FHIT: variants seen among roughly 807,000 people sequenced by gnomAD.
The protein encoded by FHIT is fragile histidine triad diadenosine triphosphatase, also known as bis(5'-adenosyl)-triphosphatase.
Under a neutral mutation model 17.9 loss-of-function variants are expected in FHIT, and 19 were observed. That is an observed-to-expected ratio of 1.06 (90% confidence interval 0.74 to 1.56). FHIT has a LOEUF of 1.56. Ranked by LOEUF, FHIT falls within the 40% of genes most tolerant of loss-of-function variation. The pLI, the probability that FHIT is intolerant of heterozygous loss-of-function variation, is 0.00. For missense variants in FHIT, 248 were observed against 189.2 expected (o/e 1.31, Z -1.82); for synonymous variants, 81 against 69.7 (o/e 1.16, Z -0.81).
chr3:60,753,901 G>A (rs898312893), intron 4 of FHIT, among the ~76,000 whole-genome samples: 1 of 151,980 alleles, frequency 6.6e-6, no homozygotes, highest in African/African-American at 2.4e-5. Context: ...AGTATGTAAG[G>A]CCTGTGAACA....
At chr3:61,230,534 T>G (rs938407880) in intron 1 of FHIT, among the ~76,000 whole-genome samples, 1 of 152,014 alleles carries the variant, frequency 6.6e-6, no homozygotes, top group African/African-American at 2.4e-5. Flanking sequence ...AATTACTGAG[T>G]CTCCTGTATT....
At chr3:60,819,489 C>T (rs1389779158) in intron 4 of FHIT, among the ~76,000 whole-genome samples, 1 of 152,144 alleles carries the variant, frequency 6.6e-6, no homozygotes, top group Non-Finnish European at 1.5e-5. Flanking sequence ...TCTCAGATAT[C>T]TCTAAATCCT....
chr3:60,439,825 A>G (rs939176542), intron 5 of FHIT, among the ~76,000 whole-genome samples: 14 of 152,134 alleles, frequency 9.2e-5, no homozygotes, highest in African/African-American at 3.4e-4. Context: ...CAAAAGATGC[A>G]AGTGTCTTTG....
intron 3 of FHIT, among the ~76,000 whole-genome samples, chr3:60,842,347 A>G (rs782690750): frequency 5.4e-5 from 8 of 149,240 alleles, no homozygotes; most frequent in Non-Finnish European, 8.9e-5. Context: ...TCCCACCAGA[A>G]AAAAAAAAAG....
intron 2 of FHIT, among the ~76,000 whole-genome samples, chr3:61,106,169 C>T (rs1559986519): frequency 6.6e-6 from 1 of 152,102 alleles, no homozygotes; most frequent in Non-Finnish European, 1.5e-5. Flanking sequence ...GAGGGTCAGG[C>T]ACATATAAGG....
At position 60,762,936 on chromosome 3, in the gene FHIT, G is replaced by A. The variant is rs142535101; in HGVS notation, c.-18+58983C>T. On this transcript the variant is annotated intron_variant, in intron 4 of 9. Coordinates refer to ENST00000492590, the MANE Select transcript of FHIT (RefSeq NM_002012.4). ...TCTCAGCCTTCATAATCATGTGAGT[G>A]AACGGCTTAAAATCGATCATCTCTG... is the stretch of plus-strand genomic sequence containing the variant. Among the ~76,000 whole-genome samples, 606 of 152,240 alleles carry A rather than the reference G, an allele frequency of 4.0e-3. 1 individual carries two copies. The highest frequency in any genetic ancestry group is 0.014 in the African/African-American group (584 of 41,546).
rs1417071873 is a variant in FHIT, at chr3:60,176,178, C to T, written c.104-162026G>A. Among the ~76,000 whole-genome samples the T allele has an allele frequency of 5.3e-5, 8 of 152,060 alleles. No homozygotes were observed. The East Asian group carries it at 1.5e-3, about 29-fold the overall frequency. On this transcript the variant is annotated intron_variant, in intron 5 of 9. Transcript: ENST00000492590. ...ACCAGCCTGGCCAACATGGCGAAAC[C>T]CCGTCTCTACTAAAAATACAAAAAT... is the stretch of plus-strand genomic sequence containing the variant.
chr3:60,231,497 T>C (rs886638729), intron 5 of FHIT, among the ~76,000 whole-genome samples: 3 of 152,310 alleles, frequency 2.0e-5, no homozygotes, highest in East Asian at 1.9e-4. Flanking sequence ...CTGGTGAACT[T>C]TGACAGTTTC....
chr3:61,077,489 A>AAAC (rs2035007260), intron 2 of FHIT, among the ~76,000 whole-genome samples: 13 of 151,478 alleles, frequency 8.6e-5, no homozygotes, highest in African/African-American at 2.2e-4. Flanking sequence ...AACAAACAAA[A>AAAC]AAAAACAGCC....
chr3:60,434,884 A>G (rs2030069150), intron 5 of FHIT, among the ~76,000 whole-genome samples: 1 of 152,140 alleles, frequency 6.6e-6, no homozygotes, highest in Non-Finnish European at 1.5e-5. Flanking sequence ...CATTTTGGAA[A>G]TAACATCTTA....
chr3:60,948,964 T>TA (rs1447858984), intron 3 of FHIT, among the ~76,000 whole-genome samples: 39 of 152,006 alleles, frequency 2.6e-4, no homozygotes, highest in Admixed American at 7.2e-4. Flanking sequence ...AAGCAGGGCA[T>TA]AAAATATTCC....
intron 4 of FHIT, among the ~76,000 whole-genome samples, chr3:60,708,811 T>G (rs1577095763): frequency 6.6e-6 from 1 of 152,210 alleles, no homozygotes. Context: ...CAAAAGAGTT[T>G]GGGAAAGAGT....
chr3:60,239,069 G>A lies in FHIT; in HGVS notation c.104-224917C>T, dbSNP rs191532549. On this transcript the variant is annotated intron_variant, in intron 5 of 9. Transcript: ENST00000492590. ...TCTGTTGCACACTGCAGCCATTTCA[G>A]CCATGAGTATTTGTGAGCAAAAGGT... Among the ~76,000 whole-genome samples the A allele has an allele frequency of 2.6e-5, 4 of 152,228 alleles. No individual in the cohort carries two copies. In the East Asian group the frequency reaches 7.7e-4, roughly 29 times the overall value.
At position 60,914,082 on chromosome 3, in the gene FHIT, A is replaced by G. The variant is rs1042444062; in HGVS notation, c.-110-92071T>C. The stretch of plus-strand genomic sequence containing the variant: ...CAGTGTGGAAGGATTTGTTAGCAAC[A>G]GTTTTTGCAGACAAGCTACCACAGA... On this transcript the variant is annotated intron_variant, in intron 3 of 9. Coordinates refer to ENST00000492590, the MANE Select transcript of FHIT (RefSeq NM_002012.4). Among the ~76,000 whole-genome samples the G allele has an allele frequency of 2.1e-4, 32 of 152,316 alleles. 1 individual carries two copies. The highest frequency in any genetic ancestry group is 2.0e-3 in the Admixed American group (30 of 15,306).
chr3:60,071,011 A>G lies in FHIT; in HGVS notation c.104-56859T>C, dbSNP rs574325228. Among the ~76,000 whole-genome samples the G allele has an allele frequency of 3.0e-3, 451 of 152,300 alleles. 2 individuals are homozygous for G. The highest frequency in any genetic ancestry group is 0.01 in the African/African-American group (420 of 41,562). ...CTCTTTAGAAGAGAAATCTCTGTCA[A>G]AGGTCACATAAACTTTACCGTAGTC... On this transcript the variant is annotated intron_variant, in intron 5 of 9. Transcript: ENST00000492590.
At chr3:61,056,233 G>C (rs1388899655) in intron 2 of FHIT, among the ~76,000 whole-genome samples, 1 of 152,134 alleles carries the variant, frequency 6.6e-6, no homozygotes, top group Non-Finnish European at 1.5e-5. Flanking sequence ...ACCTGCCTGG[G>C]CAATATAGCA....
chr3:60,333,422 A>C (rs141166366), intron 5 of FHIT, among the ~76,000 whole-genome samples: 1 of 152,286 alleles, frequency 6.6e-6, no homozygotes, highest in East Asian at 1.9e-4. Context: ...ACATGTGAAA[A>C]ACAGTATTGC....
intron 5 of FHIT, among the ~76,000 whole-genome samples, chr3:60,212,080 A>G (rs986954868): frequency 3.9e-5 from 6 of 152,166 alleles, no homozygotes; most frequent in Admixed American, 6.5e-5. Context: ...CGGACCTCAC[A>G]TTCTTTCCTA....
At chr3:60,859,261 A>G (rs1051107643) in intron 3 of FHIT, among the ~76,000 whole-genome samples, 1 of 152,176 alleles carries the variant, frequency 6.6e-6, no homozygotes, top group East Asian at 1.9e-4. Flanking sequence ...AAACTTAGGC[A>G]AGGTATTCAA....
Sources: allele counts gnomAD v4.1 joint callset (sites outside exome capture counted in the v4.1 genomes callset), GRCh38; gene constraint gnomAD v4.1.1; transcripts MANE v1.5; gene names NCBI Gene and HGNC (gene_info 2026-07-23, HGNC 2026-07-21).